The following TLK2 variants were observed in gnomAD, a reference collection of about 807,000 sequenced individuals.
The protein encoded by TLK2 is serine/threonine-protein kinase tousled-like 2.
Under a neutral mutation model 117.3 loss-of-function variants are expected in TLK2, and 6 were observed. The observed-to-expected ratio is 0.05, with a 90% CI of 0.03 to 0.10. TLK2 has a LOEUF of 0.10. Among genes scored for constraint, TLK2 ranks in the 10% least tolerant of loss-of-function variants. The pLI, the probability that TLK2 is intolerant of heterozygous loss-of-function variation, is 1.00. For missense variants in TLK2, 299 were observed against 901.2 expected (o/e 0.33, Z 8.56); for synonymous variants, 257 against 316.7 (o/e 0.81, Z 2.00).
intron 2 of TLK2, among the ~76,000 whole-genome samples, chr17:62,502,569 C>T (rs2074294664): frequency 6.6e-6 from 1 of 152,124 alleles, no homozygotes; most frequent in Non-Finnish European, 1.5e-5. Context: ...AAGGAATAAT[C>T]TTACAGATTA....
At chr17:62,542,260 T>C (rs1403838964) in intron 7 of TLK2, among the ~76,000 whole-genome samples, 1 of 152,226 alleles carries the variant, frequency 6.6e-6, no homozygotes, top group Non-Finnish European at 1.5e-5. Context: ...ACCATTTTAA[T>C]GTCAAATAAT....
chr17:62,482,216 T>G (rs1317858799), intron 2 of TLK2, among the ~76,000 whole-genome samples: 1 of 152,108 alleles, frequency 6.6e-6, no homozygotes, highest in Non-Finnish European at 1.5e-5. Context: ...CCCAAAGTGC[T>G]GGGATCACAG....
chr17:62,512,041 A>AT (rs1231122247), intron 2 of TLK2, among the ~76,000 whole-genome samples: 4 of 152,142 alleles, frequency 2.6e-5, no homozygotes, highest in Non-Finnish European at 5.9e-5. Context: ...TATGTAAGTG[A>AT]TTCAGTTTCT....
intron 2 of TLK2, among the ~76,000 whole-genome samples, chr17:62,512,861 A>AACTATTATT (rs1555610961): frequency 7.1e-6 from 1 of 141,166 alleles, no homozygotes; most frequent in Admixed American, 7.2e-5. Flanking sequence ...AAAATTTATT[A>AACTATTATT]ATTATTATTA....
At chr17:62,503,249 G>T (rs868712664) in intron 2 of TLK2, among the ~76,000 whole-genome samples, 2 of 151,712 alleles carry the variant, frequency 1.3e-5, no homozygotes, top group African/African-American at 4.8e-5. Flanking sequence ...TAGTAGAGAC[G>T]GGGTTTCACT....
intron 19 of TLK2, 121 bp from the exon 20 acceptor site, chr17:62,606,009 A>C: frequency 1.8e-5 from 4 of 216,720 alleles, no homozygotes; most frequent in Non-Finnish European, 3.3e-5. Flanking sequence ...CTGTCTCCAA[A>C]AAAAAAAAAA....
intron 6 of TLK2, among the ~76,000 whole-genome samples, chr17:62,527,199 C>T (rs908981852): frequency 2.6e-5 from 4 of 152,152 alleles, no homozygotes; most frequent in Non-Finnish European, 4.4e-5. Context: ...CTTAGCTAAG[C>T]GGTCTCCCTT....
chr17:62,602,236 G>C, intron 19 of TLK2, 56 bp downstream of exon 19: 2 of 1,557,794 alleles, frequency 1.3e-6, no homozygotes, highest in Non-Finnish European at 1.7e-6. Flanking sequence ...CTGCTATGCT[G>C]AAGTGTTGAT....
At chr17:62,586,549 C>T (rs866161703) in intron 16 of TLK2, among the ~76,000 whole-genome samples, 3 of 152,052 alleles carry the variant, frequency 2.0e-5, no homozygotes, top group East Asian at 1.9e-4. Context: ...TGGCCGGGCA[C>T]GGTGGCTCAC....
intron 2 of TLK2, among the ~76,000 whole-genome samples, chr17:62,505,334 C>T (rs998574761): frequency 2.7e-5 from 4 of 150,560 alleles, no homozygotes; most frequent in African/African-American, 9.8e-5. Context: ...GTCTCAAACT[C>T]CTGGACTTAA....
chr17:62,512,981 C>T (rs1300870256), intron 2 of TLK2, among the ~76,000 whole-genome samples: 4 of 151,150 alleles, frequency 2.6e-5, no homozygotes, highest in African/African-American at 9.7e-5. Flanking sequence ...CAGGTTCAAG[C>T]GATTCTCCTG....
At chr17:62,565,383 G>A (rs1163991461) in intron 11 of TLK2, among the ~76,000 whole-genome samples, 1 of 152,058 alleles carries the variant, frequency 6.6e-6, no homozygotes, top group African/African-American at 2.4e-5. Context: ...GGCCAGGCGC[G>A]GTGGCTCACG....
In TLK2 at chr17:62,594,830, A is replaced by C. The variant is rs550225057; in HGVS notation, c.1461-1755A>C. Among the ~76,000 whole-genome samples, 223 of 137,882 alleles carry C rather than the reference A, an allele frequency of 1.6e-3. 1 individual carries two copies. Among genetic ancestry groups the C allele is most frequent in the African/African-American group, 5.4e-3 (195 of 36,288 alleles). The allele number at this position is 137,882 out of a possible 152,430, so 90.5% of individuals were successfully genotyped here. A position where few individuals can be genotyped will look rare whatever the true frequency, so the allele number is the denominator to read the frequency against. The stretch of plus-strand genomic sequence containing the variant: ...CACACACACACACACACACACACAC[A>C]CCCCATGTGGGTATGCCGGTGAACC... On this transcript the variant is annotated intron_variant, in intron 16 of 21. Transcript: ENST00000346027.
At chr17:62,523,100 G>T (rs1360723728) in intron 4 of TLK2, 34 bp from the exon 5 acceptor site, 3 of 1,574,240 alleles carry the variant, frequency 1.9e-6, no homozygotes, top group Non-Finnish European at 2.6e-6. Context: ...TATGTGTATT[G>T]GAAAAACTGT....
intron 2 of TLK2, among the ~76,000 whole-genome samples, chr17:62,500,008 TC>T (rs1371507542): frequency 1.1e-4 from 17 of 152,280 alleles, no homozygotes; most frequent in African/African-American, 3.6e-4. Flanking sequence ...TATAATGGGA[TC>T]CTGCTTTTAC....
intron 2 of TLK2, among the ~76,000 whole-genome samples, chr17:62,489,722 A>G (rs2144654104): frequency 6.6e-6 from 1 of 152,262 alleles, no homozygotes; most frequent in South Asian, 2.1e-4. Context: ...TCCTTACCCT[A>G]GTTTCTCATT....
chr17:62,545,913 C>G (rs1257055167), intron 7 of TLK2, among the ~76,000 whole-genome samples: 1 of 151,944 alleles, frequency 6.6e-6, no homozygotes, highest in Admixed American at 6.6e-5. Context: ...CAAAGTCTTC[C>G]TTTGCCACTG....
chr17:62,534,949 C>T (rs1380594673), intron 6 of TLK2, among the ~76,000 whole-genome samples: 2 of 122,858 alleles, frequency 1.6e-5, no homozygotes, highest in Admixed American at 1.1e-4. Context: ...AGTGCAGTGG[C>T]GCAATCTGGG....
At chr17:62,599,642 G>A (rs1258822869) in intron 17 of TLK2, among the ~76,000 whole-genome samples, 1 of 152,120 alleles carries the variant, frequency 6.6e-6, no homozygotes. Flanking sequence ...GGTGCTAATG[G>A]CTTCCTGCTG....
Sources: gnomAD v4.1 joint callset for allele counts (sites outside exome capture counted in the v4.1 genomes callset) on GRCh38, gnomAD v4.1.1 for gene constraint, MANE v1.5 for transcripts, NCBI Gene and HGNC (gene_info 2026-07-23, HGNC 2026-07-21) for gene names.